The following CPVL variants were observed in gnomAD, a reference collection of about 807,000 sequenced individuals.
CPVL encodes the protein probable serine carboxypeptidase CPVL.
CPVL carries 51 observed loss-of-function variants against 63.7 expected under a neutral mutation model. That is an observed-to-expected ratio of 0.80 (90% CI 0.64 to 1.01). The LOEUF (loss-of-function observed/expected upper bound fraction) is 1.01. CPVL is among the 50% of genes least tolerant of loss of function. CPVL has a pLI of 0.00. For missense variants in CPVL, 530 were observed against 573.1 expected, an observed-to-expected ratio of 0.92 and a Z score of 0.77; for synonymous variants, 195 against 206.0, an observed-to-expected ratio of 0.95 and a Z score of 0.46.
intron 11 of CPVL, among the ~76,000 whole-genome samples, chr7:29,039,518 A>C (rs1489549251): frequency 6.6e-6 from 1 of 152,216 alleles, no homozygotes; most frequent in Non-Finnish European, 1.5e-5. Context: ...TGCTTTTAAT[A>C]CAGCCTGAGA....
chr7:29,118,028 T>C (rs1008878845), intron 2 of CPVL, among the ~76,000 whole-genome samples: 18 of 152,240 alleles, frequency 1.2e-4, no homozygotes, highest in African/African-American at 4.3e-4. Flanking sequence ...TACTTTAGTA[T>C]GCACTGCCTA....
chr7:29,037,047 G>C (rs1788598041), intron 11 of CPVL, among the ~76,000 whole-genome samples: 1 of 152,146 alleles, frequency 6.6e-6, no homozygotes, highest in South Asian at 2.1e-4. Context: ...AGAACACATT[G>C]AACAGGTGCT....
intron 5 of CPVL, among the ~76,000 whole-genome samples, chr7:29,180,510 A>C (rs1797934344): frequency 6.6e-6 from 1 of 151,914 alleles, no homozygotes; most frequent in Admixed American, 6.6e-5. Context: ...ACAGAGCGAC[A>C]GAGCGACAGA....
chr7:29,017,921 A>G (rs1269682612), intron 12 of CPVL, among the ~76,000 whole-genome samples: 1 of 152,234 alleles, frequency 6.6e-6, no homozygotes, highest in Non-Finnish European at 1.5e-5. Flanking sequence ...TACTTCAGGG[A>G]AGTCACTTAA....
At chr7:29,140,900 AT>A (rs1791799579) in intron 1 of CPVL, among the ~76,000 whole-genome samples, 1 of 152,182 alleles carries the variant, frequency 6.6e-6, no homozygotes, top group Non-Finnish European at 1.5e-5. Flanking sequence ...ATAAGCCAGG[AT>A]TTTAGGTATG....
intron 1 of CPVL, 79 bp from the exon 2 acceptor site, chr7:29,121,150 T>G: frequency 7.5e-7 from 1 of 1,333,456 alleles, no homozygotes; most frequent in Non-Finnish European, 1.0e-6. Context: ...AGAAATTCAT[T>G]TATTCACTTA....
rs200152508 is a variant in CPVL at position 29,086,292 on chromosome 7, TA to T, written c.609+191del. On this transcript the variant is annotated intron_variant, in intron 7 of 12. Coordinates refer to ENST00000265394, the MANE Select transcript of CPVL (RefSeq NM_031311.5). Reference sequence around the variant, plus strand: ...TTGGCAACAAGAGCAAAACTCCAACTAAAAAAAAATATATATATATATGAAG... The same window carrying T: ...TTGGCAACAAGAGCAAAACTCCAACTAAAAAAAATATATATATATATGAAG... 2.7e-3 allele frequency among the ~76,000 whole-genome samples: 326 copies of T among 121,592 alleles called. 2 individuals are homozygous for T. Among genetic ancestry groups the T allele is most frequent in the Non-Finnish European group, 4.0e-3 (211 of 52,262 alleles). 79.8% of individuals were successfully genotyped at this position (121,592 alleles called of 152,430 possible).
At chr7:29,189,561 C>A (rs1339415160) in intron 1 of CPVL, among the ~76,000 whole-genome samples, 1 of 152,156 alleles carries the variant, frequency 6.6e-6, no homozygotes, top group Non-Finnish European at 1.5e-5. Flanking sequence ...ATGTTTGTAA[C>A]CTGAAGTGTC....
intron 11 of CPVL, among the ~76,000 whole-genome samples, chr7:29,039,356 G>A (rs1170313308): frequency 6.6e-6 from 1 of 152,084 alleles, no homozygotes; most frequent in Non-Finnish European, 1.5e-5. Flanking sequence ...ATTTAAGGCA[G>A]ATATAAAGCA....
intron 6 of CPVL, among the ~76,000 whole-genome samples, 179 bp downstream of exon 6, chr7:29,092,444 T>A (rs1349586709): frequency 6.6e-6 from 1 of 152,206 alleles, no homozygotes; most frequent in Non-Finnish European, 1.5e-5. Context: ...GTTTAAAAAA[T>A]AATCTTTAAT....
chr7:29,096,119 G>A lies in CPVL; in HGVS notation c.387C>T (p.Val129=). Reference sequence around the variant, plus strand: ...GATACTTACAGGTCATGTTACTTGTGACAACATAAGGCCCATGTTCCACAA... The same window carrying A: ...GATACTTACAGGTCATGTTACTTGTAACAACATAAGGCCCATGTTCCACAA... ...GLFVEHGPYV[V]TSNMTLRDRD... is the part of the protein sequence containing the mutation. Residue 129 remains valine, a synonymous_variant, in exon 4 of 13, where the codon GTC becomes GTT. Transcript: ENST00000265394. 1.9e-6 allele frequency: 3 copies of A among 1,613,716 alleles called. No individual in the cohort carries two copies. Among genetic ancestry groups the A allele is most frequent in the Non-Finnish European group, 2.5e-6 (3 of 1,179,620 alleles).
At chr7:29,143,175 A>G (rs1376492143) in intron 1 of CPVL, among the ~76,000 whole-genome samples, 1 of 152,226 alleles carries the variant, frequency 6.6e-6, no homozygotes, top group East Asian at 1.9e-4. Context: ...CAACTTCAAC[A>G]TAACTTTTCA....
At chr7:29,082,597 T>A (rs1161448270) in intron 7 of CPVL, 4 of 145,536 alleles carry the variant, frequency 2.7e-5, no homozygotes, top group Non-Finnish European at 4.4e-5. Context: ...ACTGAACGTA[T>A]CCCATGTAGT....
rs1362842089 is a variant in CPVL at position 28,995,454 on chromosome 7, C to T, written c.*318G>A. The T allele has an allele frequency of 8.9e-6, 2 of 224,022 alleles. No individual in the cohort carries two copies. Among genetic ancestry groups the T allele is most frequent in the African/African-American group, 4.7e-5 (2 of 42,810 alleles). The allele number at this position is 224,022 out of a possible 1,614,324, so 13.9% of individuals were successfully genotyped here. On this transcript the variant is annotated 3_prime_UTR_variant, in exon 13 of 13. Transcript: ENST00000265394. ...TTGTTTGTTACAACTGCACTTTTCACTTACTCTTAGAAGAAATTAAAACTT... is the reference window on the plus strand; with the variant it reads ...TTGTTTGTTACAACTGCACTTTTCATTTACTCTTAGAAGAAATTAAAACTT...
intron 12 of CPVL, chr7:29,001,503 T>C (rs1784634347): frequency 6.6e-6 from 1 of 152,222 alleles, no homozygotes; most frequent in Admixed American, 6.5e-5. Context: ...TAAAAATATA[T>C]TGAAAAGGTA....
intron 12 of CPVL, among the ~76,000 whole-genome samples, chr7:29,005,205 CTT>C (rs1340093757): frequency 6.6e-6 from 1 of 152,018 alleles, no homozygotes; most frequent in African/African-American, 2.4e-5. Context: ...ACAAATATGT[CTT>C]AAGTTTGTAC....
In CPVL at chr7:29,142,551, C is replaced by A. The variant is rs191613955; in HGVS notation, c.-11+3878G>T. ...TACTTTTTTTTTTTTTTTTGAGACA[C>A]AGTCTTGCTCTGTTGCCCAGGCTGG... On this transcript the variant is annotated intron_variant, in intron 1 of 12. Coordinates refer to ENST00000265394, the MANE Select transcript of CPVL (RefSeq NM_031311.5). 6.5e-3 allele frequency among the ~76,000 whole-genome samples: 680 copies of A among 104,658 alleles called. 14 individuals carry two copies. Among genetic ancestry groups the A allele is most frequent in the African/African-American group, 0.024 (645 of 26,618 alleles). 68.7% of individuals were successfully genotyped at this position (104,658 alleles called of 152,430 possible).
upstream of CPVL, among the ~76,000 whole-genome samples, chr7:29,150,204 C>G (rs565346197): frequency 2.0e-5 from 3 of 152,304 alleles, no homozygotes; most frequent in South Asian, 6.2e-4. Flanking sequence ...CAGTTTGAAT[C>G]TAGAACCTTG....
chr7:29,107,419 G>A (rs1787825381), intron 3 of CPVL, among the ~76,000 whole-genome samples: 1 of 152,206 alleles, frequency 6.6e-6, no homozygotes, highest in Non-Finnish European at 1.5e-5. Context: ...ACCACAGAAT[G>A]TAATGCTGGG....
Sources: gnomAD v4.1 joint callset for allele counts (sites outside exome capture counted in the v4.1 genomes callset) on GRCh38, gnomAD v4.1.1 for gene constraint, MANE v1.5 for transcripts, NCBI Gene and HGNC (gene_info 2026-07-23, HGNC 2026-07-21) for gene names.